The following ADAMTSL1 variants were observed in gnomAD, a reference collection of about 807,000 sequenced individuals.
ADAMTSL1 encodes ADAMTS like 1.
ADAMTSL1 carries 126 observed loss-of-function variants against 201.8 expected under a neutral mutation model. That is an observed-to-expected ratio of 0.62 (90% CI 0.54 to 0.72). The LOEUF is 0.72. ADAMTSL1 is among the 30% of genes least tolerant of loss of function. The pLI, the probability that ADAMTSL1 is intolerant of heterozygous loss-of-function variation, is 0.00. For missense variants in ADAMTSL1, 2,679 were observed against 2,277.8 expected (o/e 1.18, Z -3.59); for synonymous variants, 1,121 against 903.4 (o/e 1.24, Z -4.32).
chr9:18,089,205 A>G (rs1236802649), intron 1 of ADAMTSL1, among the ~76,000 whole-genome samples: 1 of 152,170 alleles, frequency 6.6e-6, no homozygotes, highest in East Asian at 1.9e-4. Flanking sequence ...AGGTTTTGGT[A>G]TCAGGATGAT....
chr9:18,019,375 A>G (rs894047511), intron 1 of ADAMTSL1, among the ~76,000 whole-genome samples: 1 of 152,138 alleles, frequency 6.6e-6, no homozygotes, highest in African/African-American at 2.4e-5. Flanking sequence ...TTATCAGCAA[A>G]GATCAAATTT....
At chr9:18,404,640 G>A (rs1395501078) in intron 2 of ADAMTSL1, among the ~76,000 whole-genome samples, 1 of 152,146 alleles carries the variant, frequency 6.6e-6, no homozygotes, top group Non-Finnish European at 1.5e-5. Context: ...ATCTTAATTA[G>A]TTTTTCTCCT....
intron 1 of ADAMTSL1, among the ~76,000 whole-genome samples, chr9:18,067,006 A>AG (rs1481003995): frequency 1.3e-5 from 2 of 152,144 alleles, no homozygotes; most frequent in African/African-American, 4.8e-5. Context: ...GGGAGAGAGG[A>AG]GGGATAGCAT....
At chr9:18,101,233 C>T (rs546708813) in intron 1 of ADAMTSL1, among the ~76,000 whole-genome samples, 1 of 152,226 alleles carries the variant, frequency 6.6e-6, no homozygotes, top group African/African-American at 2.4e-5. Context: ...CACGGTGGCT[C>T]ACGTCTATAA....
At chr9:18,437,972 T>A (rs1819815081) in intron 2 of ADAMTSL1, among the ~76,000 whole-genome samples, 1 of 152,158 alleles carries the variant, frequency 6.6e-6, no homozygotes, top group Admixed American at 6.5e-5. Flanking sequence ...CCCTGTCTGC[T>A]AATGCCCGCT....
At chr9:18,185,773 A>T (rs1437795895) in intron 2 of ADAMTSL1, among the ~76,000 whole-genome samples, 1 of 152,184 alleles carries the variant, frequency 6.6e-6, no homozygotes, top group East Asian at 1.9e-4. Context: ...TGTGTGCATA[A>T]TTATGACTCC....
chr9:18,698,025 T>G (rs954688557), intron 13 of ADAMTSL1, among the ~76,000 whole-genome samples: 2 of 152,268 alleles, frequency 1.3e-5, no homozygotes, highest in African/African-American at 4.8e-5. Flanking sequence ...AATAGTTTTA[T>G]CTGATAATGT....
chr9:18,498,699 A>G (rs897539052), intron 1 of ADAMTSL1, among the ~76,000 whole-genome samples: 1 of 152,198 alleles, frequency 6.6e-6, no homozygotes, highest in Non-Finnish European at 1.5e-5. Context: ...GTTCAAGTTT[A>G]CCAGTATATG....
chr9:18,505,664 T>C (rs1420960102), intron 2 of ADAMTSL1, among the ~76,000 whole-genome samples: 1 of 152,216 alleles, frequency 6.6e-6, no homozygotes, highest in Non-Finnish European at 1.5e-5. Flanking sequence ...CTCCAAACTA[T>C]AAAATATAAA....
intron 1 of ADAMTSL1, among the ~76,000 whole-genome samples, chr9:17,907,378 C>T (rs1010939003): frequency 6.6e-6 from 1 of 152,204 alleles, no homozygotes; most frequent in Admixed American, 6.5e-5. Context: ...CTTCTGCGGA[C>T]CTAGTGAACT....
At chr9:17,992,356 A>G (rs1408926000) in intron 1 of ADAMTSL1, among the ~76,000 whole-genome samples, 1 of 152,178 alleles carries the variant, frequency 6.6e-6, no homozygotes, top group African/African-American at 2.4e-5. Flanking sequence ...TGTTGCTTGT[A>G]AAATATATTC....
At chr9:18,845,415 C>G (rs184119901) in intron 23 of ADAMTSL1, among the ~76,000 whole-genome samples, 4 of 152,372 alleles carry the variant, frequency 2.6e-5, no homozygotes, top group Non-Finnish European at 5.9e-5. Flanking sequence ...TGGTGCTTCT[C>G]CCTGGTGGGA....
chr9:17,924,509 T>G (rs1455340152), intron 1 of ADAMTSL1, among the ~76,000 whole-genome samples: 3 of 149,906 alleles, frequency 2.0e-5, no homozygotes, highest in Admixed American at 2.0e-4. Context: ...AACAGAGATA[T>G]AGATCAATGG....
intron 1 of ADAMTSL1, among the ~76,000 whole-genome samples, chr9:17,983,917 C>A (rs1818820817): frequency 6.6e-6 from 1 of 151,898 alleles, no homozygotes; most frequent in South Asian, 2.1e-4. Flanking sequence ...TTAATCAAAT[C>A]CTCCCTTGAA....
At chr9:18,290,065 C>G (rs1050630187) in intron 2 of ADAMTSL1, among the ~76,000 whole-genome samples, 2 of 152,028 alleles carry the variant, frequency 1.3e-5, no homozygotes, top group African/African-American at 2.4e-5. Context: ...CCTTCCAAGA[C>G]CAAAAAGACT....
intron 2 of ADAMTSL1, among the ~76,000 whole-genome samples, chr9:18,331,205 A>G (rs1215425889): frequency 6.6e-6 from 1 of 152,198 alleles, no homozygotes; most frequent in East Asian, 1.9e-4. Context: ...CATGGAGAAG[A>G]GTGAGACAGG....
chr9:18,280,890 T>TC (rs3085423), intron 2 of ADAMTSL1, among the ~76,000 whole-genome samples: 12 of 151,022 alleles, frequency 7.9e-5, no homozygotes, highest in Admixed American at 2.6e-4. Flanking sequence ...TTTTTTTTTT[T>TC]CCTGAGACAA....
intron 7 of ADAMTSL1, among the ~76,000 whole-genome samples, chr9:18,641,096 A>G (rs1827406817): frequency 6.6e-6 from 1 of 151,932 alleles, no homozygotes; most frequent in Non-Finnish European, 1.5e-5. Flanking sequence ...CAGGTCCCCC[A>G]GCACCTTACA....
chr9:18,527,962 C>T (rs1819194566), intron 2 of ADAMTSL1, among the ~76,000 whole-genome samples: 1 of 152,164 alleles, frequency 6.6e-6, no homozygotes, highest in African/African-American at 2.4e-5. Flanking sequence ...ACTGCAAGCT[C>T]CACCTCCTGG....
Sources: allele counts gnomAD v4.1 joint callset (sites outside exome capture counted in the v4.1 genomes callset), GRCh38; gene constraint gnomAD v4.1.1; transcripts MANE v1.5; gene names NCBI Gene and HGNC (gene_info 2026-07-23, HGNC 2026-07-21).